The following SGSM1 variants were observed in gnomAD, a reference collection of about 807,000 sequenced individuals.
SGSM1 encodes RUN and TBC1 domain containing 2.
A neutral mutation model predicts 133.8 loss-of-function variants in SGSM1; 73 were observed. That is an observed-to-expected ratio of 0.55 (90% confidence interval 0.45 to 0.66). The LOEUF is 0.66. Ranked by LOEUF, SGSM1 falls within the 30% of genes least tolerant of loss-of-function variation. SGSM1 has a pLI of 0.00. For missense variants in SGSM1, 1,213 were observed against 1,448.1 expected (o/e 0.84, Z 2.64); for synonymous variants, 563 against 573.0 (o/e 0.98, Z 0.25).
chr22:24,906,544 C>T (rs1933387121), intron 21 of SGSM1, among the ~76,000 whole-genome samples: 7 of 152,182 alleles, frequency 4.6e-5, no homozygotes, highest in Admixed American at 4.6e-4. Context: ...GATATAAGAT[C>T]AATAAACAAG....
At chr22:24,856,768 CTTTTTTT>C (rs113036395) in intron 8 of SGSM1, among the ~76,000 whole-genome samples, 1 of 139,348 alleles carries the variant, frequency 7.2e-6, no homozygotes, top group East Asian at 2.1e-4. Context: ...AGTTTCTTTT[CTTTTTTT>C]TTTTTTTTTC....
intron 24 of SGSM1, among the ~76,000 whole-genome samples, chr22:24,921,262 G>A (rs1426301879): frequency 6.6e-6 from 1 of 151,822 alleles, no homozygotes; most frequent in Non-Finnish European, 1.5e-5. Context: ...ACCACGCCCG[G>A]CTAATTTTTA....
At chr22:24,851,963 G>A (rs903755331) in intron 5 of SGSM1, among the ~76,000 whole-genome samples, 2 of 152,110 alleles carry the variant, frequency 1.3e-5, no homozygotes, top group African/African-American at 2.4e-5. Flanking sequence ...AAGGTTTCTG[G>A]GCCTCTTTAA....
At chr22:24,813,675 C>G (rs1268078889) in intron 2 of SGSM1, 1 of 152,198 alleles carries the variant, frequency 6.6e-6, no homozygotes, top group Non-Finnish European at 1.5e-5. Flanking sequence ...GATGCTTTTT[C>G]AGGTCTCTGG....
intron 12 of SGSM1, among the ~76,000 whole-genome samples, chr22:24,873,728 G>A (rs9917593): frequency 6.6e-6 from 1 of 152,108 alleles, no homozygotes; most frequent in Admixed American, 6.5e-5. Flanking sequence ...TGGCACGTGC[G>A]TGTAGTCCCA....
intron 21 of SGSM1, among the ~76,000 whole-genome samples, chr22:24,907,542 G>T (rs868508613): frequency 3.3e-5 from 5 of 151,416 alleles, no homozygotes; most frequent in Admixed American, 6.6e-5. Context: ...GTTTTTTTTG[G>T]TTTTTTGGTT....
chr22:24,811,787 T>C (rs1043461941), intron 2 of SGSM1, among the ~76,000 whole-genome samples: 9 of 150,792 alleles, frequency 6.0e-5, no homozygotes, highest in African/African-American at 2.2e-4. Flanking sequence ...GAGGATCCCT[T>C]GAGCCCAGGA....
intron 16 of SGSM1, among the ~76,000 whole-genome samples, chr22:24,887,128 T>TGTGTGTG (rs1932655353): frequency 6.7e-6 from 1 of 149,716 alleles, no homozygotes; most frequent in Non-Finnish European, 1.5e-5. Flanking sequence ...TGTGTGTGTG[T>TGTGTGTG]GTGTGTGTGT....
At chr22:24,860,910 AAAAAAAAAAAAAATATATATATAT>A (rs1260212580) in intron 9 of SGSM1, among the ~76,000 whole-genome samples, 1 of 97,216 alleles carries the variant, frequency 1.0e-5, no homozygotes, top group Non-Finnish European at 1.9e-5. Flanking sequence ...AAAAAAAAAA[AAAAAAAAAAAAAATATATATATAT>A]ATATATATAT....
chr22:24,812,818 C>T (rs755733410), intron 2 of SGSM1, among the ~76,000 whole-genome samples: 6 of 152,176 alleles, frequency 3.9e-5, no homozygotes, highest in Non-Finnish European at 5.9e-5. Flanking sequence ...CTTCCTTCCT[C>T]CCACAAATAT....
intron 12 of SGSM1, among the ~76,000 whole-genome samples, chr22:24,873,515 G>A (rs931708512): frequency 6.6e-6 from 1 of 152,098 alleles, no homozygotes; most frequent in African/African-American, 2.4e-5. Flanking sequence ...GGAGAGACAA[G>A]TGCCTATGAG....
intron 20 of SGSM1, among the ~76,000 whole-genome samples, chr22:24,902,810 A>G (rs1933212505): frequency 6.6e-6 from 1 of 152,214 alleles, no homozygotes; most frequent in Non-Finnish European, 1.5e-5. Flanking sequence ...AGGCCAAGGC[A>G]GGAGGATTGC....
intron 16 of SGSM1, among the ~76,000 whole-genome samples, chr22:24,889,642 G>A (rs1487038909): frequency 6.7e-6 from 1 of 149,846 alleles, no homozygotes; most frequent in Non-Finnish European, 1.5e-5. Flanking sequence ...CACCGGGCCT[G>A]GCCTTAAATT....
intron 12 of SGSM1, chr22:24,874,468 A>G (rs1308850701): frequency 1.9e-6 from 3 of 1,613,494 alleles, no homozygotes; most frequent in Middle Eastern, 3.3e-4. Flanking sequence ...CCCTGCCTGG[A>G]TGATGGTTCC....
In SGSM1 at chr22:24,898,298, G is replaced by A; in HGVS notation, c.2349G>A (p.Glu783=). The A allele has an allele frequency of 6.2e-7, 1 of 1,613,976 alleles. No individual in the cohort carries two copies. The highest frequency in any genetic ancestry group is 8.5e-7 in the Non-Finnish European group (1 of 1,179,866). Residue 783 remains glutamate, a synonymous_variant, in exon 19 of 25, where the codon GAG becomes GAA. Transcript: ENST00000400358. ...AGCTGGCCGTGCAGGACAGCCTGGA[G>A]AGTGACCTCCTGGCCAACGAGAGCA... The part of the protein sequence containing the change: ...REELAVQDSL[E]SDLLANESMD...
At chr22:24,850,833 C>T (rs759663946) in intron 5 of SGSM1, among the ~76,000 whole-genome samples, 1 of 152,130 alleles carries the variant, frequency 6.6e-6, no homozygotes, top group Non-Finnish European at 1.5e-5. Flanking sequence ...CGCAATGGCT[C>T]ACGCCTGTAA....
intron 2 of SGSM1, among the ~76,000 whole-genome samples, chr22:24,808,125 T>C (rs1927522589): frequency 1.3e-5 from 2 of 150,042 alleles, no homozygotes; most frequent in South Asian, 4.2e-4. Flanking sequence ...GTTTTTTTTT[T>C]TTTTTTGAGA....
intron 12 of SGSM1, among the ~76,000 whole-genome samples, chr22:24,872,622 A>G (rs775628716): frequency 1.6e-4 from 24 of 152,252 alleles, no homozygotes; most frequent in Admixed American, 5.9e-4. Flanking sequence ...TGTGGCTACA[A>G]AAATTTTTAA....
At chr22:24,860,566 C>T (rs957550769) in intron 9 of SGSM1, among the ~76,000 whole-genome samples, 2 of 152,056 alleles carry the variant, frequency 1.3e-5, no homozygotes, top group African/African-American at 2.4e-5. Context: ...AGGTACCCAT[C>T]GCCCTGCCCT....
Sources: gnomAD v4.1 joint callset for allele counts (sites outside exome capture counted in the v4.1 genomes callset) on GRCh38, gnomAD v4.1.1 for gene constraint, MANE v1.5 for transcripts, NCBI Gene and HGNC (gene_info 2026-07-23, HGNC 2026-07-21) for gene names.